The following IFT25 variants were observed in gnomAD, a reference collection of about 807,000 sequenced individuals.
IFT25 encodes intraflagellar transport 25, also known as intraflagellar transport protein 25 homolog.
chr1:53,934,013 T>C, the IFT25 span, among the ~76,000 whole-genome samples: 1 of 152,198 alleles, frequency 6.6e-6, no homozygotes, highest in Non-Finnish European at 1.5e-5. Context: ...AATACAGTTT[T>C]TTTCATTAAG....
the IFT25 span, among the ~76,000 whole-genome samples, chr1:53,940,857 G>A: frequency 6.6e-6 from 1 of 152,018 alleles, no homozygotes; most frequent in African/African-American, 2.4e-5. Flanking sequence ...CTACAGGTAT[G>A]CCACTATGCC....
chr1:53,943,255 C>T, the IFT25 span, among the ~76,000 whole-genome samples: 8 of 152,228 alleles, frequency 5.3e-5, no homozygotes, highest in South Asian at 1.7e-3. Context: ...GCAAAGAAAT[C>T]TACGAAGGAA....
chr1:53,930,985 T>G, the IFT25 span, among the ~76,000 whole-genome samples: 3 of 152,236 alleles, frequency 2.0e-5, no homozygotes, highest in African/African-American at 7.2e-5. Flanking sequence ...GAATTTACCT[T>G]AAGGGCATAA....
chr1:53,912,547 G>C, the IFT25 span, among the ~76,000 whole-genome samples: 53 of 152,288 alleles, frequency 3.5e-4, no homozygotes, highest in African/African-American at 1.2e-3. Flanking sequence ...ATCCAACAAT[G>C]CTTTTTGGAG....
chr1:53,913,485 CAT>C, the IFT25 span, among the ~76,000 whole-genome samples: 2 of 152,198 alleles, frequency 1.3e-5, no homozygotes, highest in African/African-American at 2.4e-5. Context: ...TCTGCTGAAA[CAT>C]AGTGTGGGAT....
the IFT25 span, among the ~76,000 whole-genome samples, chr1:53,930,486 T>G: frequency 1.3e-5 from 2 of 152,200 alleles, no homozygotes; most frequent in Admixed American, 1.3e-4. Flanking sequence ...GTGGTCACAC[T>G]GGGCCACTTA....
the IFT25 span, among the ~76,000 whole-genome samples, chr1:53,919,317 A>G: frequency 6.6e-6 from 1 of 152,224 alleles, no homozygotes; most frequent in East Asian, 1.9e-4. Flanking sequence ...AACTTTGCAC[A>G]CTGGGGATTT....
chr1:53,945,892 TCGCTCCACCGAGTTC>T, the IFT25 span: 1 of 51,378 alleles, frequency 1.9e-5, no homozygotes, highest in Non-Finnish European at 3.0e-5. Context: ...CCGGGCGCGC[TCGCTCCACCGAGTTC>T]CCGGGCGCGC....
the IFT25 span, among the ~76,000 whole-genome samples, chr1:53,924,289 T>C: frequency 6.6e-6 from 1 of 152,012 alleles, no homozygotes; most frequent in South Asian, 2.1e-4. Flanking sequence ...GAAAAAAAAG[T>C]GAACATTTGA....
chr1:53,932,962 T>C, the IFT25 span, among the ~76,000 whole-genome samples: 9 of 152,342 alleles, frequency 5.9e-5, no homozygotes, highest in East Asian at 9.6e-4. Context: ...TATGTCTTTA[T>C]TGATTTTCTG....
At chr1:53,912,692 T>C in the IFT25 span, among the ~76,000 whole-genome samples, 5 of 152,206 alleles carry the variant, frequency 3.3e-5, no homozygotes, top group Non-Finnish European at 7.3e-5. Context: ...AAAAGGGCTA[T>C]GTGCAGGAGA....
At chr1:53,928,770 A>G in the IFT25 span, 15 of 226,556 alleles carry the variant, frequency 6.6e-5, no homozygotes, top group African/African-American at 3.2e-4. Context: ...AGAGCCTATG[A>G]TGAGTCAAAC....
the IFT25 span, among the ~76,000 whole-genome samples, chr1:53,930,651 C>T: frequency 6.6e-6 from 1 of 152,066 alleles, no homozygotes; most frequent in Non-Finnish European, 1.5e-5. Context: ...ATCACTTCCT[C>T]CCTCTTTTGC....
At chr1:53,938,772 A>T in the IFT25 span, among the ~76,000 whole-genome samples, 1 of 152,138 alleles carries the variant, frequency 6.6e-6, no homozygotes, top group African/African-American at 2.4e-5. Flanking sequence ...AGTAAGCCAG[A>T]ACTATTAAAA....
At chr1:53,926,050 C>T in the IFT25 span, among the ~76,000 whole-genome samples, 2 of 139,146 alleles carry the variant, frequency 1.4e-5, no homozygotes, top group Non-Finnish European at 1.5e-5. Context: ...TGCAGTGAGC[C>T]GAGATTGCGC....
At chr1:53,941,686 C>T in the IFT25 span, among the ~76,000 whole-genome samples, 1 of 152,130 alleles carries the variant, frequency 6.6e-6, no homozygotes, top group Non-Finnish European at 1.5e-5. Flanking sequence ...AACTTGAATG[C>T]TAATTCTCGA....
At chr1:53,922,309 G>A in the IFT25 span, among the ~76,000 whole-genome samples, 8 of 151,520 alleles carry the variant, frequency 5.3e-5, no homozygotes, top group Middle Eastern at 3.4e-3. Flanking sequence ...CAGGAGAATC[G>A]CTTGAACCCG....
the IFT25 span, among the ~76,000 whole-genome samples, chr1:53,920,565 T>C: frequency 6.6e-6 from 1 of 152,222 alleles, no homozygotes; most frequent in Non-Finnish European, 1.5e-5. Context: ...TTCCAATTAA[T>C]GGGAAAGGTA....
chr1:53,942,303 C>A, the IFT25 span, among the ~76,000 whole-genome samples: 1 of 152,142 alleles, frequency 6.6e-6, no homozygotes, highest in Non-Finnish European at 1.5e-5. Flanking sequence ...CCATATCTAG[C>A]CTGCCATCTG....
Sources: allele counts gnomAD v4.1 joint callset (sites outside exome capture counted in the v4.1 genomes callset), GRCh38; gene constraint gnomAD v4.1.1; transcripts MANE v1.5; gene names NCBI Gene and HGNC (gene_info 2026-07-23, HGNC 2026-07-21).